Variants in CRTC1 observed in about 807,000 individuals in gnomAD.
The protein encoded by CRTC1 is CREB-regulated transcription coactivator 1.
CRTC1 carries 18 observed loss-of-function variants against 66.1 expected under a neutral mutation model. The ratio of observed to expected loss-of-function variants is 0.27; its 90% CI spans 0.19 to 0.40. The LOEUF (loss-of-function observed/expected upper bound fraction) is 0.40. Ranked by LOEUF, CRTC1 falls within the 10% of genes least tolerant of loss-of-function variation. The pLI, the probability that CRTC1 is intolerant of heterozygous loss-of-function variation, is 1.00. For synonymous variants in CRTC1, 416 were observed against 398.8 expected (o/e 1.04, Z -0.51); for missense variants, 669 against 887.9 (o/e 0.75, Z 3.13).
At chr19:18,684,209 G>T (rs563983015) in intron 1 of CRTC1, among the ~76,000 whole-genome samples, 1 of 152,076 alleles carries the variant, frequency 6.6e-6, no homozygotes, top group Non-Finnish European at 1.5e-5. Context: ...ATTACTACCT[G>T]GAAGGGACAG....
Position 18,745,971 on chromosome 19 carries a change from C to T in CRTC1, c.381+11C>T. The T allele has an allele frequency of 6.2e-7, 1 of 1,601,520 alleles. No individual in the cohort carries two copies. The highest frequency in any genetic ancestry group is 8.5e-7 in the Non-Finnish European group (1 of 1,171,236). On this transcript the variant is annotated intron_variant, in intron 3 of 13. Coordinates refer to ENST00000321949, the MANE Select transcript of CRTC1 (RefSeq NM_015321.3). ...AAACACGGACGGCAGATATCCTTTT[C>T]ACCAGAGGATGAGGGTGGGGGCCAG...
intron 1 of CRTC1, among the ~76,000 whole-genome samples, chr19:18,689,564 C>CATATATATATATATATATAT (rs10616884): frequency 8.1e-4 from 31 of 38,320 alleles, no homozygotes; most frequent in African/African-American, 4.3e-3. Context: ...AATTGATGGC[C>CATATATATATATATATATAT]ATATATATAT....
intron 5 of CRTC1, 73 bp downstream of exon 5, chr19:18,749,948 G>A (rs1309149595): frequency 1.7e-6 from 2 of 1,210,944 alleles, no homozygotes; most frequent in Non-Finnish European, 2.4e-6. Flanking sequence ...TCTCCAGGAG[G>A]TCACAAGCTT....
At chr19:18,764,962 G>A (rs1412131388) in intron 8 of CRTC1, among the ~76,000 whole-genome samples, 1 of 152,226 alleles carries the variant, frequency 6.6e-6, no homozygotes, top group East Asian at 1.9e-4. Flanking sequence ...CTGAAAGTGG[G>A]AAGCAGGCTC....
chr19:18,706,850 A>G (rs561015927), intron 1 of CRTC1, among the ~76,000 whole-genome samples: 2 of 152,158 alleles, frequency 1.3e-5, no homozygotes, highest in East Asian at 3.9e-4. Flanking sequence ...TTTTTAGTAC[A>G]TTCACATTTT....
chr19:18,695,847 AGAGT>A (rs2052973941), intron 1 of CRTC1, among the ~76,000 whole-genome samples: 1 of 152,188 alleles, frequency 6.6e-6, no homozygotes, highest in Non-Finnish European at 1.5e-5. Flanking sequence ...CCTGGGCGAC[AGAGT>A]GAGACTTCAT....
intron 1 of CRTC1, among the ~76,000 whole-genome samples, chr19:18,736,028 G>A (rs952381172): frequency 6.6e-6 from 1 of 152,118 alleles, no homozygotes; most frequent in African/African-American, 2.4e-5. Flanking sequence ...CTGGCTGAGC[G>A]GGTGGGTGCC....
intron 2 of CRTC1, among the ~76,000 whole-genome samples, chr19:18,743,633 G>A (rs975048145): frequency 1.1e-3 from 172 of 152,304 alleles, no homozygotes; most frequent in Admixed American, 1.6e-3. Context: ...TCCCCCTGGG[G>A]GGGGGTCACA....
chr19:18,692,384 A>G (rs758457538), intron 1 of CRTC1, among the ~76,000 whole-genome samples: 1 of 152,162 alleles, frequency 6.6e-6, no homozygotes, highest in African/African-American at 2.4e-5. Context: ...AGGGGCATGA[A>G]AAACAGAAAT....
chr19:18,743,085 T>TG, intron 2 of CRTC1, 59 bp downstream of exon 2: 1 of 1,324,344 alleles, frequency 7.6e-7, no homozygotes, highest in South Asian at 1.2e-5. Context: ...AGCCTCCCAC[T>TG]GGGGGCCAGA....
In CRTC1 at chr19:18,778,683, AGT is replaced by A. The variant is rs937644730; in HGVS notation, c.*1311_*1312del. 3.0e-5 allele frequency: 7 copies of A among 230,260 alleles called. No homozygotes were observed. The highest frequency in any genetic ancestry group is 6.0e-5 in the Non-Finnish European group (7 of 116,262). 14.3% of individuals were successfully genotyped at this position (230,260 alleles called of 1,614,324 possible). A position where few individuals can be genotyped will look rare whatever the true frequency, so the allele number is the denominator to read the frequency against. ...CCCAGAGGTGCCTGCTAGTCCTTAGAGTGTGTGTGTGAAGATGCCATGACCAG... is the reference window on the plus strand; with the variant it reads ...CCCAGAGGTGCCTGCTAGTCCTTAGAGTGTGTGTGAAGATGCCATGACCAG... On this transcript the variant is annotated 3_prime_UTR_variant, in exon 14 of 14. Transcript: ENST00000321949.
chr19:18,699,446 A>G (rs1429219774), intron 1 of CRTC1, among the ~76,000 whole-genome samples: 1 of 152,136 alleles, frequency 6.6e-6, no homozygotes, highest in Non-Finnish European at 1.5e-5. Context: ...GGGCTGCATG[A>G]TGGTGCCCAC....
intron 1 of CRTC1, among the ~76,000 whole-genome samples, chr19:18,720,980 T>A (rs2053614179): frequency 6.6e-6 from 1 of 152,144 alleles, no homozygotes; most frequent in Non-Finnish European, 1.5e-5. Flanking sequence ...TAGAAATGTA[T>A]TCAGTGCAGG....
At chr19:18,746,610 T>C (rs190136555) in intron 3 of CRTC1, among the ~76,000 whole-genome samples, 420 of 152,058 alleles carry the variant, frequency 2.8e-3, no homozygotes, top group African/African-American at 9.4e-3. Context: ...GTTCTCCGGT[T>C]CTCATTTCCG....
At chr19:18,756,626 A>AAC (rs398079772) in intron 6 of CRTC1, among the ~76,000 whole-genome samples, 1 of 151,632 alleles carries the variant, frequency 6.6e-6, no homozygotes, top group African/African-American at 2.4e-5. Context: ...AAAAAAAAAA[A>AAC]ATTCTAACAA....
intron 1 of CRTC1, among the ~76,000 whole-genome samples, chr19:18,700,299 T>C (rs527333598): frequency 6.6e-6 from 1 of 152,216 alleles, no homozygotes; most frequent in Admixed American, 6.5e-5. Flanking sequence ...CTGCGGGTGC[T>C]AATACCCTGT....
chr19:18,684,002 C>T (rs2052626008), intron 1 of CRTC1, among the ~76,000 whole-genome samples, 174 bp downstream of exon 1: 1 of 149,756 alleles, frequency 6.7e-6, no homozygotes, highest in South Asian at 2.1e-4. Context: ...CCCCGGGCGT[C>T]GTGGGCGGGA....
chr19:18,721,628 G>A (rs1487188627), intron 1 of CRTC1, among the ~76,000 whole-genome samples: 1 of 151,878 alleles, frequency 6.6e-6, no homozygotes, highest in African/African-American at 2.4e-5. Flanking sequence ...CTGAGTAGCT[G>A]GAACTACAGG....
chr19:18,719,571 C>T (rs960862976), intron 1 of CRTC1, among the ~76,000 whole-genome samples: 1 of 152,228 alleles, frequency 6.6e-6, no homozygotes, highest in South Asian at 2.1e-4. Flanking sequence ...GAGGGCATCT[C>T]GCCTTTGTCT....
Sources: gnomAD v4.1 joint callset for allele counts (sites outside exome capture counted in the v4.1 genomes callset) on GRCh38, gnomAD v4.1.1 for gene constraint, MANE v1.5 for transcripts, NCBI Gene and HGNC (gene_info 2026-07-23, HGNC 2026-07-21) for gene names.